Variants in KDM3B observed in about 807,000 individuals in gnomAD.
KDM3B encodes the protein lysine-specific demethylase 3B.
In KDM3B, 10 loss-of-function variants were observed where a neutral mutation model predicts 170.0. The ratio of observed to expected loss-of-function variants is 0.06; its 90% CI spans 0.04 to 0.10. The LOEUF (loss-of-function observed/expected upper bound fraction) is 0.10. Ranked by LOEUF, KDM3B falls within the 10% of genes least tolerant of loss-of-function variation. The pLI, the probability that KDM3B is intolerant of heterozygous loss-of-function variation, is 1.00. For synonymous variants in KDM3B, 831 were observed against 834.8 expected (o/e 1.00, Z 0.08); for missense variants, 1,394 against 2,195.2 (o/e 0.64, Z 7.29).
chr5:138,416,094 A>G (rs907933997), intron 12 of KDM3B, among the ~76,000 whole-genome samples: 13 of 152,146 alleles, frequency 8.5e-5, no homozygotes, highest in African/African-American at 3.1e-4. Context: ...CCAGCTGAAG[A>G]TAATAAGATA....
intron 22 of KDM3B, among the ~76,000 whole-genome samples, chr5:138,430,954 C>T (rs1763516470): frequency 6.6e-6 from 1 of 152,198 alleles, no homozygotes; most frequent in African/African-American, 2.4e-5. Context: ...AGCTCAGCTA[C>T]TTGTAGCATA....
chr5:138,380,338 A>G (rs1179621576), intron 5 of KDM3B, among the ~76,000 whole-genome samples: 1 of 146,066 alleles, frequency 6.8e-6, no homozygotes, highest in Non-Finnish European at 1.5e-5. Context: ...GTTATATGAT[A>G]TATAATTTAT....
At chr5:138,365,113 T>G (rs1226407663) in intron 1 of KDM3B, among the ~76,000 whole-genome samples, 1 of 152,240 alleles carries the variant, frequency 6.6e-6, no homozygotes, top group East Asian at 1.9e-4. Context: ...ACATTTTGTT[T>G]GGAGTATAGG....
chr5:138,431,136 C>T (rs920769577), intron 22 of KDM3B, among the ~76,000 whole-genome samples: 4 of 150,934 alleles, frequency 2.7e-5, no homozygotes, highest in African/African-American at 9.8e-5. Flanking sequence ...TTGGTAGAGA[C>T]GGGGTTTCGC....
At chr5:138,367,026 T>C (rs1484190175) in intron 1 of KDM3B, among the ~76,000 whole-genome samples, 1 of 152,174 alleles carries the variant, frequency 6.6e-6, no homozygotes, top group Non-Finnish European at 1.5e-5. Flanking sequence ...GGAAAGTCTT[T>C]CTTTCTGTTT....
At chr5:138,408,247 G>T (rs548277916) in intron 11 of KDM3B, among the ~76,000 whole-genome samples, 2 of 151,982 alleles carry the variant, frequency 1.3e-5, no homozygotes, top group East Asian at 1.9e-4. Context: ...AGACGCCGCC[G>T]CCTCAAGCCT....
At chr5:138,385,004 A>T (rs1272586000) in intron 6 of KDM3B, among the ~76,000 whole-genome samples, 1 of 151,694 alleles carries the variant, frequency 6.6e-6, no homozygotes, top group Non-Finnish European at 1.5e-5. Flanking sequence ...TGAGCTTTGC[A>T]TAACAGTTTT....
rs1763131081 is a variant in KDM3B, at chr5:138,417,327, C to T, written c.3308-156C>T. Reference sequence around the variant, plus strand: ...GAGCAAATGGCCTAACTTCTTCTCTCAGCCTCAGTTTGATCATCAAAAATT... The same window carrying T: ...GAGCAAATGGCCTAACTTCTTCTCTTAGCCTCAGTTTGATCATCAAAAATT... On this transcript the variant is annotated intron_variant, in intron 12 of 23. Transcript: ENST00000314358. 3.3e-5 allele frequency among the ~76,000 whole-genome samples: 5 copies of T among 152,214 alleles called. No individual in the cohort carries two copies. In the South Asian group the frequency reaches 1.0e-3, roughly 32 times the overall value.
intron 9 of KDM3B, among the ~76,000 whole-genome samples, chr5:138,394,336 T>A (rs1762501041): frequency 6.6e-6 from 1 of 152,144 alleles, no homozygotes; most frequent in Non-Finnish European, 1.5e-5. Flanking sequence ...ATCGTACCAC[T>A]GCACTCCAGC....
chr5:138,384,284 C>T (rs1469085753), intron 6 of KDM3B, among the ~76,000 whole-genome samples: 2 of 150,430 alleles, frequency 1.3e-5, no homozygotes, highest in African/African-American at 4.9e-5. Context: ...CAACACTTAG[C>T]AAACAGATAA....
At chr5:138,359,465 CTT>C (rs35535602) in intron 1 of KDM3B, among the ~76,000 whole-genome samples, 26,951 of 118,812 alleles carry the variant, frequency 0.23, 3,750 homozygotes, top group South Asian at 0.34. Context: ...CCCCCCCCAC[CTT>C]TTTTTTTTTT....
chr5:138,382,462 G>C (rs1762150827), intron 6 of KDM3B, among the ~76,000 whole-genome samples: 1 of 151,784 alleles, frequency 6.6e-6, no homozygotes, highest in South Asian at 2.1e-4. Context: ...AAAAAAAAAA[G>C]TAAATAAATA....
intron 20 of KDM3B, 33 bp downstream of exon 20, chr5:138,428,119 G>T: frequency 6.2e-7 from 1 of 1,604,728 alleles, no homozygotes. Context: ...CTTTAGGATG[G>T]TGAGGCTTTG....
intron 1 of KDM3B, among the ~76,000 whole-genome samples, chr5:138,362,694 A>G (rs1402859020): frequency 6.7e-6 from 1 of 148,922 alleles, no homozygotes; most frequent in Admixed American, 6.7e-5. Flanking sequence ...TATTTCTATA[A>G]TTTTATTATA....
At chr5:138,403,725 G>A (rs977515074) in intron 11 of KDM3B, among the ~76,000 whole-genome samples, 3 of 151,096 alleles carry the variant, frequency 2.0e-5, no homozygotes, top group Non-Finnish European at 2.9e-5. Context: ...AGGTATGATG[G>A]CTCACACCTG....
chr5:138,415,219 C>A lies in KDM3B; in HGVS notation c.3287C>A (p.Thr1096Lys). ...QSHEPENLMP[T>K]QIIPGTALYN... ...CACGAACCAGAGAATCTCATGCCCA[C>A]ACAAATTATTCCTGGCACAGGTAAG... is the stretch of plus-strand genomic sequence containing the variant. The change falls in exon 12 of 24, where the codon ACA becomes AAA. Residue 1096 changes from threonine (T) to lysine (K), a missense_variant. Coordinates refer to ENST00000314358, the MANE Select transcript of KDM3B (RefSeq NM_016604.4). 1 of 1,605,398 alleles carries A rather than the reference C, an allele frequency of 6.2e-7. No individual in the cohort carries two copies. The highest frequency in any genetic ancestry group is 8.5e-7 in the Non-Finnish European group (1 of 1,173,752).
At chr5:138,434,043 A>G (rs986745075) in intron 23 of KDM3B, among the ~76,000 whole-genome samples, 1 of 152,154 alleles carries the variant, frequency 6.6e-6, no homozygotes, top group Non-Finnish European at 1.5e-5. Context: ...CCCGTCCAAC[A>G]TTGGTGTTTA....
chr5:138,367,191 T>A (rs1761766822), intron 1 of KDM3B, among the ~76,000 whole-genome samples: 2 of 152,336 alleles, frequency 1.3e-5, no homozygotes, highest in South Asian at 4.1e-4. Flanking sequence ...CGCACTGTAA[T>A]AATTTCTGTA....
intron 18 of KDM3B, 59 bp downstream of exon 18, chr5:138,427,124 T>C: frequency 6.2e-7 from 1 of 1,606,002 alleles, no homozygotes; most frequent in Non-Finnish European, 8.5e-7. Flanking sequence ...CACAGAAAAG[T>C]GAAATTTGTC....
Sources: allele counts gnomAD v4.1 joint callset (sites outside exome capture counted in the v4.1 genomes callset), GRCh38; gene constraint gnomAD v4.1.1; transcripts MANE v1.5; gene names NCBI Gene and HGNC (gene_info 2026-07-23, HGNC 2026-07-21).